L2HGDH: variants seen among roughly 807,000 people sequenced by gnomAD.
L2HGDH encodes L-2-hydroxyglutarate dehydrogenase, mitochondrial.
A neutral mutation model predicts 51.5 loss-of-function variants in L2HGDH; 34 were observed. The ratio of observed to expected loss-of-function variants is 0.66; its 90% CI spans 0.50 to 0.88. The LOEUF is 0.88. Ranked by LOEUF, L2HGDH falls within the 40% of genes least tolerant of loss-of-function variation. L2HGDH has a pLI of 0.00. For missense variants in L2HGDH, 558 were observed against 571.9 expected, an observed-to-expected ratio of 0.98 and a Z score of 0.25; for synonymous variants, 198 against 197.9, an observed-to-expected ratio of 1.00 and a Z score of -0.01.
At position 50,268,499 on chromosome 14, in the gene L2HGDH, C is replaced by T. The variant is rs140419052; in HGVS notation, c.907-589G>A. Among the ~76,000 whole-genome samples the T allele has an allele frequency of 1.5e-4, 23 of 151,250 alleles. 1 individual carries two copies. In the East Asian group the frequency reaches 4.3e-3, roughly 28 times the overall value. ...ATGAACTGTCTTACTTCAGGCTATT[C>T]TCGGTCTTTCACAAGGGATGTCTAT... On this transcript the variant is annotated intron_variant, in intron 7 of 9. Coordinates refer to ENST00000267436, the MANE Select transcript of L2HGDH (RefSeq NM_024884.3).
chr14:50,264,066 G>C (rs1193343732), intron 9 of L2HGDH, among the ~76,000 whole-genome samples: 1 of 151,274 alleles, frequency 6.6e-6, no homozygotes, highest in Admixed American at 6.6e-5. Context: ...GAGCCGCCGT[G>C]CCAGTCTTTT....
chr14:50,308,112 CG>C lies in L2HGDH; in HGVS notation c.140+3898del, dbSNP rs368099602. Among the ~76,000 whole-genome samples the C allele has an allele frequency of 7.0e-4, 107 of 152,262 alleles. No homozygotes were observed. The East Asian group carries it at 0.018, about 26-fold the overall frequency. ...CAAGCCATTTAGAACGTAGGCAGGC[CG>C]GGTGCGATGGCTCACGCCTTTAATC... On this transcript the variant is annotated intron_variant, in intron 1 of 9. Transcript: ENST00000267436.
chr14:50,302,074 T>C lies in L2HGDH; in HGVS notation c.351A>G (p.Ala117=). 6.2e-7 allele frequency: 1 copy of C among 1,614,188 alleles called. No individual in the cohort carries two copies. The highest frequency in any genetic ancestry group is 8.5e-7 in the Non-Finnish European group (1 of 1,180,028). Residue 117 remains alanine, a synonymous_variant, in exon 3 of 10, where the codon GCA becomes GCG. Transcript: ENST00000267436. The part of the protein sequence containing the change: ...SLKAKLCVQG[A]ALLYEYCQQK... ...GCTGACAGTACTCATAGAGGAGGGC[T>C]GCACCTTGTACACATAATTTGGCTT...
intron 4 of L2HGDH, among the ~76,000 whole-genome samples, chr14:50,293,533 A>T (rs11851584): frequency 0.17 from 25,344 of 152,166 alleles, 2,629 homozygotes; most frequent in African/African-American, 0.3. Context: ...CCATAAAAAA[A>T]CAAACATATG....
At chr14:50,269,824 CAAGA>C (rs1889565024) in intron 6 of L2HGDH, among the ~76,000 whole-genome samples, 1 of 152,070 alleles carries the variant, frequency 6.6e-6, no homozygotes, top group Admixed American at 6.6e-5. Context: ...AGCAGAATAT[CAAGA>C]AAGACAAAAC....
intron 6 of L2HGDH, among the ~76,000 whole-genome samples, chr14:50,271,710 A>T (rs940151680): frequency 1.3e-5 from 2 of 152,190 alleles, no homozygotes; most frequent in African/African-American, 2.4e-5. Context: ...CCCAATTAAA[A>T]AAATAAATAA....
intron 3 of L2HGDH, among the ~76,000 whole-genome samples, chr14:50,298,017 G>A (rs192820665): frequency 6.6e-6 from 1 of 152,056 alleles, no homozygotes; most frequent in African/African-American, 2.4e-5. Flanking sequence ...ATTTGGGTGG[G>A]TAGATCACTT....
intron 9 of L2HGDH, among the ~76,000 whole-genome samples, chr14:50,263,562 G>A (rs1439087045): frequency 1.3e-5 from 2 of 152,184 alleles, no homozygotes; most frequent in Non-Finnish European, 2.9e-5. Context: ...AGCTGTTGCA[G>A]AGAAAGCAGA....
chr14:50,278,374 G>T, intron 6 of L2HGDH, 146 bp downstream of exon 6: 2 of 638,532 alleles, frequency 3.1e-6, no homozygotes, highest in East Asian at 2.8e-5. Flanking sequence ...AATAAAAGCT[G>T]TTAAACTTCC....
At chr14:50,273,384 GA>G in intron 6 of L2HGDH, among the ~76,000 whole-genome samples, 3 of 152,252 alleles carry the variant, frequency 2.0e-5, no homozygotes, top group Admixed American at 2.0e-4. Flanking sequence ...ATGGTGCTGG[GA>G]AAACTGGATA....
chr14:50,297,678 G>C (rs1487126200), intron 3 of L2HGDH, among the ~76,000 whole-genome samples: 1 of 151,906 alleles, frequency 6.6e-6, no homozygotes, highest in Non-Finnish European at 1.5e-5. Context: ...CCACAAAACA[G>C]GTCTTTAAAA....
chr14:50,281,686 G>A (rs1474905290), intron 5 of L2HGDH, among the ~76,000 whole-genome samples: 1 of 151,730 alleles, frequency 6.6e-6, no homozygotes, highest in Non-Finnish European at 1.5e-5. Context: ...TCAGTTCATG[G>A]TTCTTTGTCC....
chr14:50,268,309 A>G (rs1314523407), intron 7 of L2HGDH, among the ~76,000 whole-genome samples: 1 of 146,004 alleles, frequency 6.8e-6, no homozygotes, highest in East Asian at 2.3e-4. Flanking sequence ...AACCCAGGAG[A>G]TGGAGGTTGC....
intron 9 of L2HGDH, among the ~76,000 whole-genome samples, chr14:50,253,067 T>G (rs1445906070): frequency 6.6e-6 from 1 of 152,118 alleles, no homozygotes; most frequent in Non-Finnish European, 1.5e-5. Flanking sequence ...TCAAAAAATT[T>G]GGAATAATAT....
chr14:50,254,182 C>T (rs1888521418), intron 9 of L2HGDH, among the ~76,000 whole-genome samples: 1 of 152,100 alleles, frequency 6.6e-6, no homozygotes, highest in East Asian at 1.9e-4. Flanking sequence ...TTAAAAATAA[C>T]TAAGAGTGTA....
intron 3 of L2HGDH, 34 bp downstream of exon 3, chr14:50,301,983 G>A: frequency 6.2e-7 from 1 of 1,608,906 alleles, no homozygotes; most frequent in Non-Finnish European, 8.5e-7. Context: ...AATGCTAGTT[G>A]GAAATTAGTC....
intron 5 of L2HGDH, among the ~76,000 whole-genome samples, chr14:50,281,438 C>T (rs1010700394): frequency 6.6e-6 from 1 of 151,812 alleles, no homozygotes; most frequent in African/African-American, 2.4e-5. Context: ...ACTAAAAATA[C>T]AAAATTAGCC....
chr14:50,282,605 C>T (rs1890332658), intron 5 of L2HGDH: 3 of 438,406 alleles, frequency 6.8e-6, no homozygotes, highest in South Asian at 4.9e-5. Flanking sequence ...CCACTCACTA[C>T]TTGTACAACC....
At chr14:50,251,738 G>GA (rs1888363276) in intron 9 of L2HGDH, among the ~76,000 whole-genome samples, 1 of 151,948 alleles carries the variant, frequency 6.6e-6, no homozygotes, top group South Asian at 2.1e-4. Context: ...AGTGCTGAAG[G>GA]AAAAAACCCT....
Sources: allele counts gnomAD v4.1 joint callset (sites outside exome capture counted in the v4.1 genomes callset), GRCh38; gene constraint gnomAD v4.1.1; transcripts MANE v1.5; gene names NCBI Gene and HGNC (gene_info 2026-07-23, HGNC 2026-07-21).